IL4: variants seen among roughly 807,000 people sequenced by gnomAD.
IL4 encodes interleukin-4.
Under a neutral mutation model 17.4 loss-of-function variants are expected in IL4, and 10 were observed. That is an observed-to-expected ratio of 0.57 (90% confidence interval 0.35 to 0.97). The LOEUF (loss-of-function observed/expected upper bound fraction) is 0.97. Ranked by LOEUF, IL4 falls within the 50% of genes least tolerant of loss-of-function variation. IL4 has a pLI of 0.01. For missense variants in IL4, 174 were observed against 187.7 expected (o/e 0.93, Z 0.43); for synonymous variants, 87 against 79.0 (o/e 1.10, Z -0.54).
intron 2 of IL4, among the ~76,000 whole-genome samples, chr5:132,679,013 A>G (rs1456684395): frequency 6.6e-6 from 1 of 152,134 alleles, no homozygotes; most frequent in Non-Finnish European, 1.5e-5. Flanking sequence ...CCCTTACAGA[A>G]GCTCTGCCCA....
At chr5:132,679,644 G>A in intron 2 of IL4, 70 bp from the exon 3 acceptor site, 3 of 1,358,988 alleles carry the variant, frequency 2.2e-6, no homozygotes, top group East Asian at 4.6e-5. Flanking sequence ...AAGAAATCAA[G>A]AGGAAAAATC....
rs941581499 is a variant in IL4 at position 132,680,202 on chromosome 5, A to G, written c.360+312A>G. Among the ~76,000 whole-genome samples the G allele has an allele frequency of 6.6e-6, 1 of 152,196 alleles. No individual in the cohort carries two copies. Among genetic ancestry groups the G allele is most frequent in the Non-Finnish European group, 1.5e-5 (1 of 68,042 alleles). On this transcript the variant is annotated intron_variant, in intron 3 of 3. Coordinates refer to ENST00000231449, the MANE Select transcript of IL4 (RefSeq NM_000589.4). The surrounding 1 kb of genome is among the most constrained non-coding windows in gnomAD (Gnocchi z 4.3). ...AAAGAAAAACATAGAAATAAAGAAC[A>G]TAAGAGTCATGGGGGAGGGGGCTGA...
intron 2 of IL4, among the ~76,000 whole-genome samples, chr5:132,675,847 T>TGTG (rs1561676103): frequency 2.1e-4 from 14 of 67,998 alleles, no homozygotes; most frequent in African/African-American, 7.2e-4. Flanking sequence ...GGGCAACAGT[T>TGTG]TATGTGTGTG....
intron 2 of IL4, among the ~76,000 whole-genome samples, chr5:132,675,849 A>ATGTG (rs58175446): frequency 0.058 from 8,398 of 144,904 alleles, 446 homozygotes; most frequent in East Asian, 0.25. Flanking sequence ...GCAACAGTTT[A>ATGTG]TGTGTGTGTG....
intron 2 of IL4, among the ~76,000 whole-genome samples, chr5:132,676,985 A>AGCTG (rs1561676697): frequency 6.6e-6 from 1 of 152,218 alleles, no homozygotes; most frequent in Non-Finnish European, 1.5e-5. Context: ...GGAAGAAGCA[A>AGCTG]GCTGGCTGGC....
intron 3 of IL4, among the ~76,000 whole-genome samples, chr5:132,681,095 G>T (rs1240814603): frequency 6.6e-6 from 1 of 152,184 alleles, no homozygotes; most frequent in African/African-American, 2.4e-5. Context: ...GGAACTTAGG[G>T]GAGAGGTCAG....
At position 132,680,921 on chromosome 5, in the gene IL4, C is replaced by T. The variant is rs1752476241; in HGVS notation, c.360+1031C>T. Among the ~76,000 whole-genome samples, 1 of 152,172 alleles carries T rather than the reference C, an allele frequency of 6.6e-6. No individual in the cohort carries two copies. The highest frequency in any genetic ancestry group is 6.5e-5 in the Admixed American group (1 of 15,282). On this transcript the variant is annotated intron_variant, in intron 3 of 3. Transcript: ENST00000231449. This position sits in a 1 kb window ranked among gnomAD's most constrained non-coding sequence, Gnocchi z 4.3. ...ATGACCTCTTTGTTCCTGCCCAAAC[C>T]CCTCTGGCGATGGTCAGTACTGTTT...
At chr5:132,679,919 G>T (rs370261479) in intron 3 of IL4, 29 bp downstream of exon 3, 7 of 1,580,624 alleles carry the variant, frequency 4.4e-6, no homozygotes, top group Non-Finnish European at 6.0e-6. Flanking sequence ...CTGGCAAGCC[G>T]GCCGCGTGGC....
At chr5:132,679,220 G>A (rs773093728) in intron 2 of IL4, among the ~76,000 whole-genome samples, 1 of 152,210 alleles carries the variant, frequency 6.6e-6, no homozygotes, top group Non-Finnish European at 1.5e-5. Flanking sequence ...GCCAAAGGAT[G>A]TGCACTCATT....
At chr5:132,679,630 A>G (rs752322868) in intron 2 of IL4, 84 bp from the exon 3 acceptor site, 57 of 1,245,360 alleles carry the variant, frequency 4.6e-5, no homozygotes, top group Non-Finnish European at 6.4e-5. Context: ...GTCCTCCTGG[A>G]AAGAAGAAAT....
At position 132,675,881 on chromosome 5, in the gene IL4, A is replaced by ATG. The variant is rs1581042723; in HGVS notation, c.183+1376_183+1377insGT. On this transcript the variant is annotated intron_variant, in intron 2 of 3. Transcript: ENST00000231449. ...TGTGTGTGTGTGTGTGTGTGTGTAT[A>ATG]TATGTGTGTGTGTATATATATGTGT... Among the ~76,000 whole-genome samples, 12 of 131,040 alleles carry ATG rather than the reference A, an allele frequency of 9.2e-5. 1 individual carries two copies. In the Middle Eastern group the frequency reaches 0.026, roughly 283 times the overall value. The allele number at this position is 131,040 out of a possible 152,430, so 86.0% of individuals were successfully genotyped here.
At chr5:132,679,590 G>A (rs1752444708) in intron 2 of IL4, 124 bp from the exon 3 acceptor site, 1 of 806,676 alleles carries the variant, frequency 1.2e-6, no homozygotes, top group Non-Finnish European at 2.1e-6. Flanking sequence ...TTGAAGACAG[G>A]TCTGTAGTTG....
chr5:132,680,310 C>T lies in IL4; in HGVS notation c.360+420C>T, dbSNP rs1752461598. ...GACTAACTAGGGAGACCATTCCAGG[C>T]AGAAGGAGGAGGTATGCAAAGGCCT... On this transcript the variant is annotated intron_variant, in intron 3 of 3. Transcript: ENST00000231449. This position sits in a 1 kb window ranked among gnomAD's most constrained non-coding sequence, Gnocchi z 4.3. Among the ~76,000 whole-genome samples, 1 of 152,084 alleles carries T rather than the reference C, an allele frequency of 6.6e-6. No homozygotes were observed. The highest frequency in any genetic ancestry group is 1.5e-5 in the Non-Finnish European group (1 of 68,028).
intron 2 of IL4, among the ~76,000 whole-genome samples, chr5:132,678,243 A>AT (rs1403854993): frequency 2.9e-4 from 44 of 152,380 alleles, no homozygotes; most frequent in African/African-American, 1.1e-3. Context: ...ACCACTGTGC[A>AT]ATGCGTTTCT....
Position 132,679,843 on chromosome 5 carries a change from C to T in IL4, c.313C>T (p.Arg105Ter). 7 of 1,613,868 alleles carry T rather than the reference C, an allele frequency of 4.3e-6. No individual in the cohort carries two copies. Among genetic ancestry groups the T allele is most frequent in the Non-Finnish European group, 5.1e-6 (6 of 1,179,902 alleles). ...GTTCCACAGGCACAAGCAGCTGATC[C>T]GATTCCTGAAACGGCTCGACAGGAA... is the stretch of plus-strand genomic sequence containing the variant. The part of the protein sequence containing the change: ...QQFHRHKQLI[R>*]FLKRLDRNLW... Residue 105 changes from arginine (R) to a stop codon, truncating the protein, a stop_gained, in exon 3 of 4, where the codon CGA (arginine) becomes TGA (stop). Transcript: ENST00000231449. LOFTEE classifies it high-confidence loss of function.
At chr5:132,681,239 T>C (rs951646798) in intron 3 of IL4, among the ~76,000 whole-genome samples, 1 of 152,022 alleles carries the variant, frequency 6.6e-6, no homozygotes, top group African/African-American at 2.4e-5. Flanking sequence ...CCAAGGGGCC[T>C]GAGGAGGAGT....
In IL4 at chr5:132,675,923, A is replaced by G. The variant is rs9327636; in HGVS notation, c.183+1417A>G. Among the ~76,000 whole-genome samples, 313 of 65,674 alleles carry G rather than the reference A, an allele frequency of 4.8e-3. 2 individuals are homozygous for G. The highest frequency in any genetic ancestry group is 0.022 in the African/African-American group (245 of 11,066). 43.1% of individuals were successfully genotyped at this position (65,674 alleles called of 152,430 possible). A position where few individuals can be genotyped will look rare whatever the true frequency, so the allele number is the denominator to read the frequency against. On this transcript the variant is annotated intron_variant, in intron 2 of 3. Transcript: ENST00000231449. ...TATATGTGTGTATGTATATATGTGT[A>G]TGTATATGTGTGTGTGTGTGTGTGT...
At chr5:132,681,523 A>T (rs1752488701) in intron 3 of IL4, among the ~76,000 whole-genome samples, 1 of 152,132 alleles carries the variant, frequency 6.6e-6, no homozygotes, top group East Asian at 1.9e-4. Context: ...CTCTTTGAAG[A>T]TGTTTAGCTA....
intron 2 of IL4, among the ~76,000 whole-genome samples, chr5:132,675,641 C>T (rs992313655): frequency 2.6e-5 from 4 of 151,964 alleles, no homozygotes; most frequent in Non-Finnish European, 5.9e-5. Context: ...CTCCACCTCC[C>T]AGGCTCAAGC....
Sources: allele counts gnomAD v4.1 joint callset (sites outside exome capture counted in the v4.1 genomes callset), GRCh38; gene constraint gnomAD v4.1.1; non-coding constraint Gnocchi (gnomAD v3.1); transcripts MANE v1.5; gene names NCBI Gene and HGNC (gene_info 2026-07-23, HGNC 2026-07-21).